HS6ST3: variants seen among roughly 807,000 people sequenced by gnomAD.
HS6ST3 encodes heparan sulfate 6-O-sulfotransferase 3.
A neutral mutation model predicts 36.7 loss-of-function variants in HS6ST3; 12 were observed. The ratio of observed to expected loss-of-function variants is 0.33; its 90% CI spans 0.21 to 0.53. The LOEUF (loss-of-function observed/expected upper bound fraction) is 0.53, where lower values mean the gene tolerates loss of function less well. Among genes scored for constraint, HS6ST3 ranks in the 20% least tolerant of loss-of-function variants. The pLI is 0.95. For missense variants in HS6ST3, 584 were observed against 640.9 expected (o/e 0.91, Z 0.96); for synonymous variants, 240 against 257.5 (o/e 0.93, Z 0.65).
chr13:96,709,145 G>A (rs1875499949), intron 1 of HS6ST3, among the ~76,000 whole-genome samples: 1 of 152,146 alleles, frequency 6.6e-6, no homozygotes, highest in Admixed American at 6.6e-5. Flanking sequence ...GGTTTTATAA[G>A]TGGCTCTTCT....
intron 1 of HS6ST3, among the ~76,000 whole-genome samples, chr13:96,516,408 T>C (rs925070778): frequency 6.6e-6 from 1 of 152,168 alleles, no homozygotes; most frequent in Non-Finnish European, 1.5e-5. Context: ...TTACTTAACT[T>C]ATACCTCTCA....
rs973478469 is a variant in HS6ST3 at position 96,567,526 on chromosome 13, T to C, written c.708-264964T>C. Among the ~76,000 whole-genome samples the C allele has an allele frequency of 3.3e-5, 5 of 152,124 alleles. 1 individual carries two copies. The highest frequency in any genetic ancestry group is 1.5e-5 in the Non-Finnish European group (1 of 68,020). On this transcript the variant is annotated intron_variant, in intron 1 of 1. Coordinates refer to ENST00000376705, the MANE Select transcript of HS6ST3 (RefSeq NM_153456.4). ...TATTATATAATGAGTAATAATAAAA[T>C]ACAGGCATTTCTAGGTATTGGAGGA... is the stretch of plus-strand genomic sequence containing the variant.
At chr13:96,108,115 T>C (rs948695856) in intron 1 of HS6ST3, among the ~76,000 whole-genome samples, 3 of 152,182 alleles carry the variant, frequency 2.0e-5, no homozygotes, top group Non-Finnish European at 4.4e-5. Context: ...AAGAGAAATA[T>C]CGCTGAATTA....
chr13:96,270,341 G>T (rs1483956194), intron 1 of HS6ST3, among the ~76,000 whole-genome samples: 2 of 151,884 alleles, frequency 1.3e-5, no homozygotes, highest in Non-Finnish European at 2.9e-5. Context: ...TCCAGTCTAT[G>T]GGATTTTATT....
intron 1 of HS6ST3, among the ~76,000 whole-genome samples, chr13:96,570,963 G>A (rs2056299046): frequency 6.6e-6 from 1 of 152,032 alleles, no homozygotes; most frequent in Non-Finnish European, 1.5e-5. Flanking sequence ...GATGAGAGAA[G>A]GAAGGATGGG....
At chr13:96,727,087 G>A (rs912066950) in intron 1 of HS6ST3, among the ~76,000 whole-genome samples, 1 of 152,096 alleles carries the variant, frequency 6.6e-6, no homozygotes, top group African/African-American at 2.4e-5. Context: ...GAAAGGAAAA[G>A]GATCATTTTC....
At chr13:96,480,347 C>T (rs2055884587) in intron 1 of HS6ST3, among the ~76,000 whole-genome samples, 1 of 152,134 alleles carries the variant, frequency 6.6e-6, no homozygotes, top group Non-Finnish European at 1.5e-5. Flanking sequence ...CCCCTGACCT[C>T]AGGTGATCTG....
At chr13:96,545,436 A>C (rs919509702) in intron 1 of HS6ST3, among the ~76,000 whole-genome samples, 6 of 152,178 alleles carry the variant, frequency 3.9e-5, no homozygotes, top group Non-Finnish European at 5.9e-5. Flanking sequence ...AAAACCTAGG[A>C]AATATTTTAG....
intron 1 of HS6ST3, among the ~76,000 whole-genome samples, chr13:96,493,739 T>A (rs2055958368): frequency 6.6e-6 from 1 of 152,204 alleles, no homozygotes; most frequent in Admixed American, 6.5e-5. Flanking sequence ...TTTCTTATAT[T>A]TTTATGGTTA....
At chr13:96,255,933 C>T (rs566110918) in intron 1 of HS6ST3, among the ~76,000 whole-genome samples, 2 of 152,276 alleles carry the variant, frequency 1.3e-5, no homozygotes, top group Admixed American at 6.5e-5. Flanking sequence ...AAATAATTAC[C>T]GTTTCCTTCA....
chr13:96,226,587 G>GCA (rs1452803919), intron 1 of HS6ST3, among the ~76,000 whole-genome samples: 2 of 152,158 alleles, frequency 1.3e-5, no homozygotes, highest in African/African-American at 2.4e-5. Context: ...GGTGGTGGTT[G>GCA]TATATATTCT....
chr13:96,330,484 T>C (rs2055059914), intron 1 of HS6ST3, among the ~76,000 whole-genome samples: 1 of 150,588 alleles, frequency 6.6e-6, no homozygotes, highest in Non-Finnish European at 1.5e-5. Flanking sequence ...TGAAAATTCT[T>C]TTCTTTAAGA....
chr13:96,677,443 G>GTATT (rs1433293532), intron 1 of HS6ST3, among the ~76,000 whole-genome samples: 3 of 151,960 alleles, frequency 2.0e-5, no homozygotes, highest in Non-Finnish European at 4.4e-5. Flanking sequence ...ATGGTCATGT[G>GTATT]TATTTCTTGG....
intron 1 of HS6ST3, among the ~76,000 whole-genome samples, chr13:96,494,658 A>C (rs1426470076): frequency 2.0e-5 from 3 of 150,890 alleles, no homozygotes; most frequent in African/African-American, 4.8e-5. Context: ...CCTGTTTCAA[A>C]ACACACACAC....
At chr13:96,508,238 G>A (rs1282142829) in intron 1 of HS6ST3, among the ~76,000 whole-genome samples, 1 of 151,950 alleles carries the variant, frequency 6.6e-6, no homozygotes, top group African/African-American at 2.4e-5. Flanking sequence ...TTAATAGACT[G>A]CTGAACTCAA....
At chr13:96,788,067 G>T (rs1424771674) in intron 1 of HS6ST3, among the ~76,000 whole-genome samples, 1 of 151,794 alleles carries the variant, frequency 6.6e-6, no homozygotes, top group African/African-American at 2.4e-5. Flanking sequence ...GAACATACTT[G>T]TGCAGATCTA....
At position 96,412,107 on chromosome 13, in the gene HS6ST3, C is replaced by T. The variant is rs976691730; in HGVS notation, c.707+320538C>T. Among the ~76,000 whole-genome samples, 11 of 151,990 alleles carry T rather than the reference C, an allele frequency of 7.2e-5. No individual in the cohort carries two copies. In the East Asian group the frequency reaches 7.7e-4, roughly 11 times the overall value. ...GCAACCTCCGCCTCCTGGGTTCAAG[C>T]GATTCTCCTGCCTCAGCCTCTCAAG... On this transcript the variant is annotated intron_variant, in intron 1 of 1. Transcript: ENST00000376705.
At chr13:96,231,421 G>A (rs1244634998) in intron 1 of HS6ST3, among the ~76,000 whole-genome samples, 1 of 152,118 alleles carries the variant, frequency 6.6e-6, no homozygotes, top group Non-Finnish European at 1.5e-5. Flanking sequence ...GGCTGTACAT[G>A]AAGAATGGTT....
intron 1 of HS6ST3, among the ~76,000 whole-genome samples, chr13:96,432,447 A>G (rs548723211): frequency 6.6e-6 from 1 of 152,308 alleles, no homozygotes; most frequent in African/African-American, 2.4e-5. Context: ...TATATTGTTA[A>G]TAAAGGCCAC....
Sources: allele counts gnomAD v4.1 joint callset (sites outside exome capture counted in the v4.1 genomes callset), GRCh38; gene constraint gnomAD v4.1.1; transcripts MANE v1.5; gene names NCBI Gene and HGNC (gene_info 2026-07-23, HGNC 2026-07-21).